The following KLRD1 variants were observed in gnomAD, a reference collection of about 807,000 sequenced individuals.
KLRD1 encodes natural killer cells antigen CD94.
Under a neutral mutation model 22.6 loss-of-function variants are expected in KLRD1, and 21 were observed. That is an observed-to-expected ratio of 0.93 (90% CI 0.66 to 1.34). The LOEUF is 1.34. Ranked by LOEUF, KLRD1 falls within the 40% of genes most tolerant of loss-of-function variation. The pLI is 0.00. For missense variants in KLRD1, 183 were observed against 208.6 expected, an observed-to-expected ratio of 0.88 and a Z score of 0.76; for synonymous variants, 59 against 71.1, an observed-to-expected ratio of 0.83 and a Z score of 0.85.
intron 1 of KLRD1, among the ~76,000 whole-genome samples, chr12:10,261,038 T>G (rs1949449297): frequency 6.6e-6 from 1 of 152,186 alleles, no homozygotes; most frequent in East Asian, 1.9e-4. Context: ...GCTCTTTATG[T>G]GCATTTTTTG....
intron 1 of KLRD1, among the ~76,000 whole-genome samples, chr12:10,276,601 T>C (rs1321481885): frequency 6.6e-6 from 1 of 151,484 alleles, no homozygotes; most frequent in Non-Finnish European, 1.5e-5. Flanking sequence ...TGATCTCTGC[T>C]CACCACAACC....
At chr12:10,244,798 C>G (rs918417422) in intron 1 of KLRD1, among the ~76,000 whole-genome samples, 2 of 62,460 alleles carry the variant, frequency 3.2e-5, no homozygotes, top group African/African-American at 9.0e-5. Context: ...ACAAAACAAA[C>G]AAACAAAAAA....
At chr12:10,273,115 G>A (rs1949564134) in intron 1 of KLRD1, among the ~76,000 whole-genome samples, 1 of 151,884 alleles carries the variant, frequency 6.6e-6, no homozygotes. Context: ...AATGACCAAT[G>A]GATGTTTCAC....
intron 1 of KLRD1, among the ~76,000 whole-genome samples, chr12:10,296,988 TTTTTTCA>T (rs1474355029): frequency 2.6e-5 from 4 of 152,218 alleles, no homozygotes; most frequent in African/African-American, 7.2e-5. Flanking sequence ...TTTTCTGCTG[TTTTTTCA>T]AGTTTAATCT....
chr12:10,281,589 C>T (rs1316614918), intron 1 of KLRD1, among the ~76,000 whole-genome samples: 1 of 152,074 alleles, frequency 6.6e-6, no homozygotes, highest in East Asian at 1.9e-4. Context: ...CCAAGAACCC[C>T]CTGAGATTCT....
chr12:10,288,693 A>AT (rs1412730771), intron 1 of KLRD1, among the ~76,000 whole-genome samples: 1 of 152,260 alleles, frequency 6.6e-6, no homozygotes, highest in Non-Finnish European at 1.5e-5. Context: ...AAACTCAAAA[A>AT]TTTTTAATGG....
chr12:10,268,093 C>T (rs146760355), intron 1 of KLRD1, among the ~76,000 whole-genome samples: 1 of 152,108 alleles, frequency 6.6e-6, no homozygotes, highest in East Asian at 1.9e-4. Flanking sequence ...TTCTGGAAAT[C>T]GATTAGAAAG....
In KLRD1 at chr12:10,318,337, G is replaced by A. The variant is rs531953302; in HGVS notation, c.*3544G>A. On this transcript the variant is annotated 3_prime_UTR_variant, in exon 6 of 6. Coordinates refer to ENST00000336164, the MANE Select transcript of KLRD1 (RefSeq NM_002262.5). ...ATTTGTTTATTGATAGCTTCCATAT[G>A]AGATAATTACAGATCTTGTCTCTGC... The A allele has an allele frequency of 6.6e-6, 1 of 152,118 alleles. No homozygotes were observed. Among genetic ancestry groups the A allele is most frequent in the Non-Finnish European group, 1.5e-5 (1 of 68,036 alleles). The allele number at this position is 152,118 out of a possible 1,614,324, so 9.4% of individuals were successfully genotyped here. A position where few individuals can be genotyped will look rare whatever the true frequency, so the allele number is the denominator to read the frequency against.
intron 1 of KLRD1, among the ~76,000 whole-genome samples, chr12:10,269,653 C>T (rs959494729): frequency 1.3e-5 from 2 of 152,012 alleles, no homozygotes; most frequent in Non-Finnish European, 2.9e-5. Flanking sequence ...GTTACATATT[C>T]TTTTCTATAC....
At chr12:10,271,959 C>T (rs1452772289) in intron 1 of KLRD1, among the ~76,000 whole-genome samples, 1 of 151,880 alleles carries the variant, frequency 6.6e-6, no homozygotes, top group Non-Finnish European at 1.5e-5. Flanking sequence ...TATATAAAGT[C>T]GATAGCATAG....
At chr12:10,239,533 T>A (rs955742983) in intron 1 of KLRD1, among the ~76,000 whole-genome samples, 7 of 9,506 alleles carry the variant, frequency 7.4e-4, no homozygotes, top group Non-Finnish European at 1.4e-3. Context: ...CTTTCTTTCT[T>A]TCTTTCTTTC....
In KLRD1 at chr12:10,323,319, C is replaced by G. The variant is rs1950327425; in HGVS notation, c.*8526C>G. 1 of 152,092 alleles carries G rather than the reference C, an allele frequency of 6.6e-6. No individual in the cohort carries two copies. Among genetic ancestry groups the G allele is most frequent in the South Asian group, 2.1e-4 (1 of 4,826 alleles). 9.4% of individuals were successfully genotyped at this position (152,092 alleles called of 1,614,324 possible). A position where few individuals can be genotyped will look rare whatever the true frequency, so the allele number is the denominator to read the frequency against. ...TGTGAGTGTTACTCTGTATTCTTGA[C>G]AATACATAGTATTATGAATTATTTT... On this transcript the variant is annotated 3_prime_UTR_variant, in exon 6 of 6. Transcript: ENST00000336164.
In KLRD1 at chr12:10,309,614, C is replaced by A; in HGVS notation, c.101-12C>A. On this transcript the variant is annotated splice_polypyrimidine_tract_variant and intron_variant, in intron 2 of 5. Transcript: ENST00000336164. ...ATACCTAATTAAACAAATTTCTAAT[C>A]ATTTCTTATAGCTTTTACTAAACTG... is the stretch of plus-strand genomic sequence containing the variant. The A allele has an allele frequency of 6.3e-7, 1 of 1,598,432 alleles. No homozygotes were observed. Among genetic ancestry groups the A allele is most frequent in the Non-Finnish European group, 8.6e-7 (1 of 1,166,416 alleles).
chr12:10,245,591 T>A (rs1029602243), intron 1 of KLRD1, among the ~76,000 whole-genome samples: 7 of 152,200 alleles, frequency 4.6e-5, no homozygotes, highest in African/African-American at 1.7e-4. Flanking sequence ...TACATACTAT[T>A]GTATATTGAT....
chr12:10,276,893 A>T (rs1949597253), intron 1 of KLRD1, among the ~76,000 whole-genome samples: 1 of 152,162 alleles, frequency 6.6e-6, no homozygotes, highest in Non-Finnish European at 1.5e-5. Context: ...ACAAGAGATG[A>T]TGAAATTTAA....
chr12:10,323,684 C>T lies in KLRD1; in HGVS notation c.*8891C>T, dbSNP rs1028769543. On this transcript the variant is annotated 3_prime_UTR_variant, in exon 6 of 6. Coordinates refer to ENST00000336164, the MANE Select transcript of KLRD1 (RefSeq NM_002262.5). ...GTATAAAATACTTCCTCTTGCTCCT[C>T]CCCTCACAGATGAATATTCTGTTAC... is the stretch of plus-strand genomic sequence containing the variant. 2 of 151,992 alleles carry T rather than the reference C, an allele frequency of 1.3e-5. No homozygotes were observed. The highest frequency in any genetic ancestry group is 2.9e-5 in the Non-Finnish European group (2 of 67,992). The allele number at this position is 151,992 out of a possible 1,614,324, so 9.4% of individuals were successfully genotyped here.
rs555006925 is a variant in KLRD1, at chr12:10,239,529, T to TTCTC, written c.-101+13299_-101+13300insCTCT. 1.4e-4 allele frequency among the ~76,000 whole-genome samples: 9 copies of TTCTC among 65,774 alleles called. 1 individual carries two copies. Among genetic ancestry groups the TTCTC allele is most frequent in the Non-Finnish European group, 2.3e-4 (8 of 34,484 alleles). 43.2% of individuals were successfully genotyped at this position (65,774 alleles called of 152,430 possible). On this transcript the variant is annotated intron_variant, in intron 1 of 5. Transcript: ENST00000544747. ...CCCTCCTTCCCTCCCCTTTCTTTCTTTCTTTCTTTCTTTCTTTCTTTCTTT... is the reference window on the plus strand; with the variant it reads ...CCCTCCTTCCCTCCCCTTTCTTTCTTTCTCTCTTTCTTTCTTTCTTTCTTTCTTT...
intron 4 of KLRD1, among the ~76,000 whole-genome samples, chr12:10,312,076 A>G (rs1400408394): frequency 1.4e-5 from 2 of 142,530 alleles, no homozygotes; most frequent in Non-Finnish European, 1.5e-5. Context: ...TTTTTGAGAC[A>G]GAGTTTTACT....
At chr12:10,239,536 T>C (rs866610314) in intron 1 of KLRD1, among the ~76,000 whole-genome samples, 7,243 of 98,778 alleles carry the variant, frequency 0.073, 694 homozygotes, top group African/African-American at 0.19. Context: ...TCTTTCTTTC[T>C]TTCTTTCTTT....
Sources: allele counts gnomAD v4.1 joint callset (sites outside exome capture counted in the v4.1 genomes callset), GRCh38; gene constraint gnomAD v4.1.1; transcripts MANE v1.5; gene names NCBI Gene and HGNC (gene_info 2026-07-23, HGNC 2026-07-21).